Variants in MEF2A observed in about 807,000 individuals in gnomAD.
The protein encoded by MEF2A is myocyte enhancer factor 2A.
MEF2A carries 28 observed loss-of-function variants against 55.8 expected under a neutral mutation model. The ratio of observed to expected loss-of-function variants is 0.50; its 90% CI spans 0.37 to 0.69. MEF2A has a LOEUF of 0.69. MEF2A is among the 30% of genes least tolerant of loss of function. The pLI is 0.00. For missense variants in MEF2A, 528 were observed against 626.2 expected (o/e 0.84, Z 1.67); for synonymous variants, 239 against 227.1 (o/e 1.05, Z -0.47).
chr15:99,697,896 A>G (rs952399075), intron 8 of MEF2A, among the ~76,000 whole-genome samples: 2 of 152,248 alleles, frequency 1.3e-5, no homozygotes, highest in African/African-American at 2.4e-5. Flanking sequence ...TCAGTGGACA[A>G]AACGGCTCAG....
Position 99,699,626 on chromosome 15 carries a change from A to G in MEF2A, c.859-3736A>G, listed in dbSNP as rs904380348. Among the ~76,000 whole-genome samples, 14 of 152,352 alleles carry G rather than the reference A, an allele frequency of 9.2e-5. No homozygotes were observed. In the South Asian group the frequency reaches 2.7e-3, roughly 29 times the overall value. On this transcript the variant is annotated intron_variant, in intron 8 of 11. Transcript: ENST00000557942. ...TATAACTTTATTACAGATAAGTAAC[A>G]TGATATTGAAGGGGTGAGGAAGCAA...
chr15:99,570,689 A>G (rs1247414293), intron 1 of MEF2A, among the ~76,000 whole-genome samples: 1 of 152,140 alleles, frequency 6.6e-6, no homozygotes, highest in African/African-American at 2.4e-5. Context: ...CGGCTCTTGC[A>G]TTGACTAATA....
rs531101477 is a variant in MEF2A at position 99,684,527 on chromosome 15, A to G, written c.671-5714A>G. Among the ~76,000 whole-genome samples, 9 of 152,296 alleles carry G rather than the reference A, an allele frequency of 5.9e-5. No individual in the cohort carries two copies. In the South Asian group the frequency reaches 1.0e-3, roughly 18 times the overall value. On this transcript the variant is annotated intron_variant, in intron 7 of 11. Coordinates refer to ENST00000557942, the MANE Select transcript of MEF2A (RefSeq NM_001319206.4). ...GTGTATCTGCTTTTGAGAATTGTCT[A>G]TTCATGGCCTTTGCCCACTTTTTGA...
chr15:99,665,139 A>C (rs2049354241), intron 4 of MEF2A, among the ~76,000 whole-genome samples: 1 of 152,250 alleles, frequency 6.6e-6, no homozygotes, highest in South Asian at 2.1e-4. Flanking sequence ...CCATCTCTGC[A>C]GTGTTGTAAA....
chr15:99,610,716 G>A (rs1214008435), intron 2 of MEF2A, among the ~76,000 whole-genome samples: 3 of 151,922 alleles, frequency 2.0e-5, no homozygotes, highest in Non-Finnish European at 2.9e-5. Flanking sequence ...TCAATGGAGG[G>A]AAATAGCCTT....
intron 3 of MEF2A, among the ~76,000 whole-genome samples, chr15:99,635,613 C>G (rs754238182): frequency 9.2e-5 from 14 of 152,046 alleles, no homozygotes; most frequent in Admixed American, 2.0e-4. Flanking sequence ...CCCCCTGCCC[C>G]AAGGAAGGTC....
At chr15:99,698,449 T>C (rs952214764) in intron 8 of MEF2A, among the ~76,000 whole-genome samples, 1 of 152,136 alleles carries the variant, frequency 6.6e-6, no homozygotes, top group Non-Finnish European at 1.5e-5. Flanking sequence ...AATTGAAAAT[T>C]AAAACCTAAT....
intron 4 of MEF2A, among the ~76,000 whole-genome samples, chr15:99,661,192 T>A (rs1240254178): frequency 6.6e-6 from 1 of 152,162 alleles, no homozygotes; most frequent in Non-Finnish European, 1.5e-5. Flanking sequence ...GAAATTGGAC[T>A]TACCTCAGAT....
chr15:99,679,920 A>G (rs922826741), intron 7 of MEF2A, among the ~76,000 whole-genome samples: 1 of 152,234 alleles, frequency 6.6e-6, no homozygotes, highest in Admixed American at 6.5e-5. Context: ...GAAAATGTAT[A>G]GACACTCAAC....
At chr15:99,628,826 C>T (rs1321076338) in intron 2 of MEF2A, among the ~76,000 whole-genome samples, 1 of 152,196 alleles carries the variant, frequency 6.6e-6, no homozygotes, top group African/African-American at 2.4e-5. Flanking sequence ...CATTGCACTT[C>T]ATCTTTTGTG....
chr15:99,594,946 T>C (rs2153004865), intron 1 of MEF2A, among the ~76,000 whole-genome samples: 1 of 152,338 alleles, frequency 6.6e-6, no homozygotes, highest in East Asian at 1.9e-4. Context: ...CCTGCTCAAA[T>C]GTACTGGTCC....
intron 1 of MEF2A, among the ~76,000 whole-genome samples, chr15:99,573,204 C>T (rs888925657): frequency 6.0e-5 from 9 of 148,902 alleles, no homozygotes; most frequent in East Asian, 6.0e-4. Flanking sequence ...AGGAGAATGG[C>T]GTGAACCCTG....
intron 7 of MEF2A, among the ~76,000 whole-genome samples, chr15:99,688,179 C>T (rs1181950401): frequency 6.6e-6 from 1 of 152,246 alleles, no homozygotes; most frequent in African/African-American, 2.4e-5. Flanking sequence ...TTTCTGTACA[C>T]TGGTTACTTA....
At chr15:99,635,155 G>A (rs990552924) in intron 3 of MEF2A, among the ~76,000 whole-genome samples, 4 of 152,168 alleles carry the variant, frequency 2.6e-5, no homozygotes, top group Non-Finnish European at 4.4e-5. Context: ...TAAATATGTG[G>A]CAAATAGAAA....
rs555944215 is a variant in MEF2A at position 99,607,097 on chromosome 15, C to CA, written c.-143+8591dup. 5.3e-5 allele frequency among the ~76,000 whole-genome samples: 8 copies of CA among 152,120 alleles called. No individual in the cohort carries two copies. In the East Asian group the frequency reaches 1.5e-3, roughly 29 times the overall value. ...GTATATAAAGTAAAAACAAAACATGCAAAAATAAAACAGGTAAAATAAGCT... is the reference window on the plus strand; with the variant it reads ...GTATATAAAGTAAAAACAAAACATGCAAAAAATAAAACAGGTAAAATAAGCT... On this transcript the variant is annotated intron_variant, in intron 2 of 11. Transcript: ENST00000557942.
At position 99,675,413 on chromosome 15, in the gene MEF2A, A is replaced by T; in HGVS notation, c.625A>T (p.Thr209Ser). The T allele has an allele frequency of 6.2e-7, 1 of 1,613,922 alleles. No homozygotes were observed. Among genetic ancestry groups the T allele is most frequent in the Non-Finnish European group, 8.5e-7 (1 of 1,179,840 alleles). ...AACGTTGTTAGGTGGGATGTTGAGCACTACAGACCTCACAGTGCCAAATGG... is the reference window on the plus strand; with the variant it reads ...AACGTTGTTAGGTGGGATGTTGAGCTCTACAGACCTCACAGTGCCAAATGG... ...STGNAGGMLSTTDLTVPNGAG... is the reference protein window; with the variant it reads ...STGNAGGMLSSTDLTVPNGAG... The change falls in exon 7 of 12, where the codon ACT (threonine) becomes TCT (serine). Residue 209 changes from threonine (T) to serine (S), a missense_variant. Physicochemically the swap from Thr to Ser is moderately conservative, Grantham distance 58. Coordinates refer to ENST00000557942, the MANE Select transcript of MEF2A (RefSeq NM_001319206.4).
chr15:99,583,422 A>G (rs1277901948), intron 1 of MEF2A, among the ~76,000 whole-genome samples: 1 of 152,140 alleles, frequency 6.6e-6, no homozygotes, highest in African/African-American at 2.4e-5. Context: ...TGTTTAACCA[A>G]AGTCATGCAT....
At chr15:99,571,247 T>C (rs549524250) in intron 1 of MEF2A, among the ~76,000 whole-genome samples, 1 of 152,198 alleles carries the variant, frequency 6.6e-6, no homozygotes, top group East Asian at 1.9e-4. Flanking sequence ...TACCCACTGT[T>C]CTTACTGTGT....
chr15:99,690,927 A>G (rs1008229371), intron 8 of MEF2A, among the ~76,000 whole-genome samples: 6 of 152,194 alleles, frequency 3.9e-5, no homozygotes, highest in African/African-American at 9.7e-5. Context: ...TTGCAGATGG[A>G]GTATATTTCA....
Sources: allele counts gnomAD v4.1 joint callset (sites outside exome capture counted in the v4.1 genomes callset), GRCh38; gene constraint gnomAD v4.1.1; transcripts MANE v1.5; gene names NCBI Gene and HGNC (gene_info 2026-07-23, HGNC 2026-07-21).